The following DCC variants were observed in gnomAD, a reference collection of about 807,000 sequenced individuals.
DCC encodes netrin receptor DCC.
DCC carries 58 observed loss-of-function variants against 172.5 expected under a neutral mutation model. The ratio of observed to expected loss-of-function variants is 0.34; its 90% confidence interval spans 0.27 to 0.42. DCC has a LOEUF of 0.42. Among genes scored for constraint, DCC ranks in the 10% least tolerant of loss-of-function variants. DCC has a pLI of 1.00. For missense variants in DCC, 1,740 were observed against 1,791.0 expected, an observed-to-expected ratio of 0.97 and a Z score of 0.51; for synonymous variants, 709 against 644.5, an observed-to-expected ratio of 1.10 and a Z score of -1.52.
intron 1 of DCC, among the ~76,000 whole-genome samples, chr18:52,516,500 C>T (rs998709111): frequency 1.3e-5 from 2 of 152,166 alleles, no homozygotes; most frequent in Admixed American, 6.5e-5. Flanking sequence ...TTAGGAGGAA[C>T]TGAACAAACT....
intron 5 of DCC, chr18:52,941,301 A>G (rs1425664080): frequency 6.6e-6 from 1 of 152,142 alleles, no homozygotes; most frequent in Non-Finnish European, 1.5e-5. Context: ...TTTATGGAAG[A>G]TGAGATTCCA....
chr18:53,178,914 A>T, intron 8 of DCC, 48 bp from the exon 9 acceptor site: 2 of 1,609,712 alleles, frequency 1.2e-6, no homozygotes, highest in Non-Finnish European at 1.7e-6. Flanking sequence ...ATTTTGGCTG[A>T]AGGTATTCTT....
At position 53,399,391 on chromosome 18, in the gene DCC, TA is replaced by T. The variant is rs1909160911; in HGVS notation, c.2827+1946del. Among the ~76,000 whole-genome samples the T allele has an allele frequency of 3.3e-5, 5 of 152,224 alleles. No homozygotes were observed. The South Asian group carries it at 1.0e-3, about 31-fold the overall frequency. ...ATAAGACCATGGAATTCCCAACTGA[TA>T]TTGCTACCAAGCTTTCATGATATAG... is the stretch of plus-strand genomic sequence containing the variant. On this transcript the variant is annotated intron_variant, in intron 18 of 28. Transcript: ENST00000442544.
chr18:53,500,236 G>C (rs2046080062), intron 27 of DCC, among the ~76,000 whole-genome samples: 1 of 152,060 alleles, frequency 6.6e-6, no homozygotes, highest in Admixed American at 6.6e-5. Context: ...GGCAGAGACA[G>C]AAGAAGGAGG....
intron 12 of DCC, among the ~76,000 whole-genome samples, chr18:53,265,631 A>T (rs1458110833): frequency 6.6e-6 from 1 of 152,234 alleles, no homozygotes; most frequent in Non-Finnish European, 1.5e-5. Flanking sequence ...TGAAAAATGT[A>T]AAGATGCTTA....
At position 52,825,254 on chromosome 18, in the gene DCC, C is replaced by T. The variant is rs1021133763; in HGVS notation, c.412+72880C>T. Reference sequence around the variant, plus strand: ...TATTGGTCAGCTTACATTCCTTTATCTCTTGGCTTCCTCACTGTTAAAATG... The same window carrying T: ...TATTGGTCAGCTTACATTCCTTTATTTCTTGGCTTCCTCACTGTTAAAATG... On this transcript the variant is annotated intron_variant, in intron 2 of 28. Transcript: ENST00000442544. 5.3e-5 allele frequency among the ~76,000 whole-genome samples: 8 copies of T among 152,234 alleles called. No individual in the cohort carries two copies. The South Asian group carries it at 1.5e-3, about 28-fold the overall frequency.
At chr18:53,342,778 T>C (rs1404061725) in intron 15 of DCC, among the ~76,000 whole-genome samples, 1 of 147,324 alleles carries the variant, frequency 6.8e-6, no homozygotes, top group Admixed American at 6.8e-5. Flanking sequence ...TTTGGATATA[T>C]ATATTTGAAT....
intron 5 of DCC, among the ~76,000 whole-genome samples, chr18:53,055,254 C>A (rs1030798836): frequency 6.6e-6 from 1 of 152,226 alleles, no homozygotes; most frequent in African/African-American, 2.4e-5. Context: ...GCTGTAGAAC[C>A]AACTGCTTTT....
intron 1 of DCC, among the ~76,000 whole-genome samples, chr18:52,433,119 T>G (rs1314649491): frequency 2.0e-5 from 3 of 152,190 alleles, no homozygotes; most frequent in Non-Finnish European, 4.4e-5. Context: ...TTAATATCCC[T>G]GAAATTATTT....
At chr18:53,298,865 A>C (rs1283496574) in intron 12 of DCC, among the ~76,000 whole-genome samples, 1 of 152,128 alleles carries the variant, frequency 6.6e-6, no homozygotes, top group Non-Finnish European at 1.5e-5. Context: ...GTGATTACTT[A>C]TTTTAGTGTG....
At chr18:52,944,319 T>C (rs1568202687) in intron 5 of DCC, among the ~76,000 whole-genome samples, 1 of 152,154 alleles carries the variant, frequency 6.6e-6, no homozygotes, top group African/African-American at 2.4e-5. Context: ...TTGTAGGAAA[T>C]GATACTTCGA....
At chr18:52,378,956 C>T (rs1329736460) in intron 1 of DCC, among the ~76,000 whole-genome samples, 4 of 152,096 alleles carry the variant, frequency 2.6e-5, no homozygotes, top group East Asian at 1.9e-4. Context: ...GTTTCTATAG[C>T]GAGTTTTGTG....
chr18:53,271,449 C>T (rs1598969275), intron 12 of DCC, among the ~76,000 whole-genome samples: 1 of 152,174 alleles, frequency 6.6e-6, no homozygotes, highest in African/African-American at 2.4e-5. Context: ...TCCCACAATG[C>T]TGTCTCAAGT....
intron 1 of DCC, among the ~76,000 whole-genome samples, chr18:52,432,848 A>G (rs1050471809): frequency 6.6e-6 from 1 of 152,160 alleles, no homozygotes; most frequent in African/African-American, 2.4e-5. Flanking sequence ...TGTGGCTTAT[A>G]CTGGCCCAGA....
chr18:53,489,420 A>G (rs1450485371), intron 26 of DCC, among the ~76,000 whole-genome samples: 1 of 152,188 alleles, frequency 6.6e-6, no homozygotes, highest in East Asian at 1.9e-4. Flanking sequence ...ACAATTAACT[A>G]ACTTCCCATT....
At chr18:53,245,620 G>A (rs931887272) in intron 12 of DCC, among the ~76,000 whole-genome samples, 1 of 151,964 alleles carries the variant, frequency 6.6e-6, no homozygotes, top group African/African-American at 2.4e-5. Flanking sequence ...GGAGTATAAT[G>A]TTTCTCCTTT....
chr18:52,927,168 T>TATATATGTGTATAC (rs1555682869), intron 5 of DCC, among the ~76,000 whole-genome samples: 4 of 82,480 alleles, frequency 4.8e-5, no homozygotes, highest in East Asian at 3.1e-4. Flanking sequence ...CGTATATATG[T>TATATATGTGTATAC]GTATATATGT....
At chr18:52,969,378 C>A (rs1440473016) in intron 5 of DCC, among the ~76,000 whole-genome samples, 2 of 152,122 alleles carry the variant, frequency 1.3e-5, no homozygotes, top group Non-Finnish European at 2.9e-5. Context: ...CTACCACCAA[C>A]CAAATTACCG....
chr18:52,576,178 C>G (rs779309411), intron 1 of DCC, among the ~76,000 whole-genome samples: 4 of 152,182 alleles, frequency 2.6e-5, no homozygotes, highest in Non-Finnish European at 5.9e-5. Context: ...AATCAAGTTT[C>G]CTTTGCTAGA....
Sources: allele counts gnomAD v4.1 joint callset (sites outside exome capture counted in the v4.1 genomes callset), GRCh38; gene constraint gnomAD v4.1.1; transcripts MANE v1.5; gene names NCBI Gene and HGNC (gene_info 2026-07-23, HGNC 2026-07-21).